Variants in EPHB1 observed in about 807,000 individuals in gnomAD.
The protein encoded by EPHB1 is ephrin type-B receptor 1.
Under a neutral mutation model 94.4 loss-of-function variants are expected in EPHB1, and 30 were observed. That is an observed-to-expected ratio of 0.32 (90% CI 0.24 to 0.43). The LOEUF (loss-of-function observed/expected upper bound fraction) is 0.43. Ranked by LOEUF, EPHB1 falls within the 20% of genes least tolerant of loss-of-function variation. The probability of loss-of-function intolerance (pLI) is 1.00; values close to 1 mark genes in which losing one functional copy is unlikely to be tolerated. For missense variants in EPHB1, 1,055 were observed against 1,308.3 expected (o/e 0.81, Z 2.99); for synonymous variants, 522 against 489.1 (o/e 1.07, Z -0.89).
chr3:135,094,667 C>T (rs1938692657), intron 3 of EPHB1, among the ~76,000 whole-genome samples: 1 of 152,226 alleles, frequency 6.6e-6, no homozygotes, highest in African/African-American at 2.4e-5. Context: ...AACCTTCTCC[C>T]TCCTGCTTTC....
At chr3:134,996,764 G>A (rs1191195386) in intron 3 of EPHB1, among the ~76,000 whole-genome samples, 1 of 151,694 alleles carries the variant, frequency 6.6e-6, no homozygotes, top group African/African-American at 2.4e-5. Context: ...TTGCCAGTTG[G>A]ACTAAAAAAC....
intron 3 of EPHB1, among the ~76,000 whole-genome samples, chr3:135,059,797 T>C (rs1017927562): frequency 3.3e-5 from 5 of 152,098 alleles, no homozygotes; most frequent in African/African-American, 4.8e-5. Flanking sequence ...GAGATATGGG[T>C]TCTGACTCCA....
At chr3:135,234,038 C>T (rs542059478) in intron 12 of EPHB1, among the ~76,000 whole-genome samples, 2 of 152,290 alleles carry the variant, frequency 1.3e-5, no homozygotes, top group South Asian at 4.2e-4. Context: ...TCTGACATGC[C>T]CTGGAGACTC....
At chr3:134,882,814 C>CTTTTCTTTCTTTTCTTTCT (rs57123397) in intron 1 of EPHB1, among the ~76,000 whole-genome samples, 48 of 93,202 alleles carry the variant, frequency 5.2e-4, no homozygotes, top group East Asian at 5.1e-3. Context: ...TTCTTTCTTT[C>CTTTTCTTTCTTTTCTTTCT]TTTCTTTCTT....
chr3:135,049,428 G>A (rs893475545), intron 3 of EPHB1, among the ~76,000 whole-genome samples: 1 of 152,214 alleles, frequency 6.6e-6, no homozygotes, highest in African/African-American at 2.4e-5. Flanking sequence ...AGATCTGATG[G>A]TTGATGGTGG....
chr3:135,010,839 G>A (rs1413163182), intron 3 of EPHB1, among the ~76,000 whole-genome samples: 2 of 152,154 alleles, frequency 1.3e-5, no homozygotes, highest in Admixed American at 6.5e-5. Context: ...TGGGATTACA[G>A]GAGTGAGCCA....
At chr3:135,001,175 GT>G (rs1180271126) in intron 3 of EPHB1, among the ~76,000 whole-genome samples, 1 of 152,158 alleles carries the variant, frequency 6.6e-6, no homozygotes, top group Non-Finnish European at 1.5e-5. Flanking sequence ...CTCCAGCAGT[GT>G]GAAGCATGAA....
chr3:134,889,764 G>T (rs1298004505), intron 1 of EPHB1, among the ~76,000 whole-genome samples: 1 of 151,352 alleles, frequency 6.6e-6, no homozygotes, highest in Non-Finnish European at 1.5e-5. Context: ...TGCAAGCGCC[G>T]CCTTCCGGGT....
intron 4 of EPHB1, among the ~76,000 whole-genome samples, chr3:135,125,374 T>A (rs1428516595): frequency 2.0e-5 from 3 of 148,614 alleles, no homozygotes; most frequent in Non-Finnish European, 2.9e-5. Context: ...AGAGAACACA[T>A]AGGCTTATGC....
At chr3:135,091,438 T>A (rs1453617360) in intron 3 of EPHB1, among the ~76,000 whole-genome samples, 1 of 152,180 alleles carries the variant, frequency 6.6e-6, no homozygotes, top group African/African-American at 2.4e-5. Context: ...TGTGTTAAAG[T>A]CTCAGCACTC....
chr3:135,256,552 T>G (rs958783429), intron 15 of EPHB1, among the ~76,000 whole-genome samples: 1 of 152,188 alleles, frequency 6.6e-6, no homozygotes, highest in African/African-American at 2.4e-5. Flanking sequence ...TGGCCCCCAC[T>G]CTCTTCTGAC....
chr3:135,022,425 A>G (rs975822523), intron 3 of EPHB1, among the ~76,000 whole-genome samples: 26 of 152,174 alleles, frequency 1.7e-4, no homozygotes, highest in Admixed American at 6.5e-5. Context: ...TTTTTAATTC[A>G]TGAGGCAGTT....
intron 1 of EPHB1, among the ~76,000 whole-genome samples, chr3:134,846,348 G>T (rs116517997): frequency 3.8e-4 from 58 of 152,300 alleles, no homozygotes; most frequent in African/African-American, 1.3e-3. Context: ...GGGCTCCGAG[G>T]CCCCATTTGG....
At chr3:134,831,866 T>C (rs370868361) in intron 1 of EPHB1, among the ~76,000 whole-genome samples, 19 of 152,220 alleles carry the variant, frequency 1.2e-4, no homozygotes, top group African/African-American at 4.6e-4. Flanking sequence ...GAACTGAACC[T>C]GTTTGGATAT....
At chr3:134,949,401 T>G (rs919717870) in intron 2 of EPHB1, among the ~76,000 whole-genome samples, 2 of 146,048 alleles carry the variant, frequency 1.4e-5, no homozygotes, top group African/African-American at 2.6e-5. Flanking sequence ...CAGCTCTCAA[T>G]GTGCCCATTT....
chr3:135,256,807 C>T (rs571682916), intron 15 of EPHB1, among the ~76,000 whole-genome samples: 2 of 151,844 alleles, frequency 1.3e-5, no homozygotes, highest in Non-Finnish European at 2.9e-5. Flanking sequence ...TATCCTGCAG[C>T]GTGTTTTCCA....
chr3:135,192,719 G>T lies in EPHB1; in HGVS notation c.2026G>T (p.Asp676Tyr), dbSNP rs757883750. Residue 676 changes from aspartate (D) to tyrosine (Y), a missense_variant, in exon 11 of 16, where the codon GAC becomes TAC. Physicochemically the swap from Asp to Tyr is radical, Grantham distance 160 (BLOSUM62 -3). Transcript: ENST00000398015. ...LSEASIMGQFDHPNIIRLEGV... is the reference protein window; with the variant it reads ...LSEASIMGQFYHPNIIRLEGV... Reference sequence around the variant, plus strand: ...TGAGGCGAGCATCATGGGCCAGTTCGACCATCCTAACATCATTCGCCTGGA... The same window carrying T: ...TGAGGCGAGCATCATGGGCCAGTTCTACCATCCTAACATCATTCGCCTGGA... 1 of 1,614,016 alleles carries T rather than the reference G, an allele frequency of 6.2e-7. No homozygotes were observed. The highest frequency in any genetic ancestry group is 1.7e-5 in the Admixed American group (1 of 59,996).
At chr3:134,958,109 A>G (rs1933352749) in intron 3 of EPHB1, among the ~76,000 whole-genome samples, 2 of 152,092 alleles carry the variant, frequency 1.3e-5, no homozygotes, top group South Asian at 4.2e-4. Flanking sequence ...TTTCTTTAGT[A>G]AAGAAAACCT....
chr3:135,031,886 C>T (rs1480885892), intron 3 of EPHB1, among the ~76,000 whole-genome samples: 5 of 152,082 alleles, frequency 3.3e-5, no homozygotes, highest in Admixed American at 3.3e-4. Flanking sequence ...AGTTAAAAAT[C>T]ATTTTTCCTC....
Sources: gnomAD v4.1 joint callset for allele counts (sites outside exome capture counted in the v4.1 genomes callset) on GRCh38, gnomAD v4.1.1 for gene constraint, MANE v1.5 for transcripts, NCBI Gene and HGNC (gene_info 2026-07-23, HGNC 2026-07-21) for gene names.